The following OSBPL3 variants were observed in gnomAD, a reference collection of about 807,000 sequenced individuals.
OSBPL3 encodes oxysterol binding protein like 3, also known as oxysterol-binding protein-related protein 3.
A neutral mutation model predicts 120.1 loss-of-function variants in OSBPL3; 65 were observed. That is an observed-to-expected ratio of 0.54 (90% CI 0.44 to 0.67). The LOEUF (loss-of-function observed/expected upper bound fraction) is 0.67, where lower values mean the gene tolerates loss of function less well. Ranked by LOEUF, OSBPL3 falls within the 30% of genes least tolerant of loss-of-function variation. The pLI, the probability that OSBPL3 is intolerant of heterozygous loss-of-function variation, is 0.00. For synonymous variants in OSBPL3, 416 were observed against 402.6 expected (o/e 1.03, Z -0.40); for missense variants, 1,004 against 1,082.1 (o/e 0.93, Z 1.01).
rs1443569298 is a variant in OSBPL3, at chr7:24,796,615, G to C, written c.*3568C>G. On this transcript the variant is annotated 3_prime_UTR_variant, in exon 23 of 23. Coordinates refer to ENST00000313367, the MANE Select transcript of OSBPL3 (RefSeq NM_015550.4). This position sits in a 1 kb window ranked among gnomAD's most constrained non-coding sequence, Gnocchi z 5.2. The stretch of plus-strand genomic sequence containing the variant: ...AGCAAATTAATAGGAGCTTTTTGGG[G>C]AGGCAGAGGTATGGATGGAAGGGTG... 6.6e-6 allele frequency: 1 copy of C among 152,156 alleles called. No individual in the cohort carries two copies. The highest frequency in any genetic ancestry group is 6.5e-5 in the Admixed American group (1 of 15,276). 9.4% of individuals were successfully genotyped at this position (152,156 alleles called of 1,614,324 possible).
intron 1 of OSBPL3, among the ~76,000 whole-genome samples, chr7:24,941,407 G>C (rs1398155730): frequency 1.3e-5 from 2 of 151,810 alleles, no homozygotes; most frequent in Non-Finnish European, 2.9e-5. Context: ...TCCCTGCCAG[G>C]TTCAGGTAGC....
chr7:24,823,551 T>C (rs1176387747), intron 16 of OSBPL3, among the ~76,000 whole-genome samples: 1 of 152,124 alleles, frequency 6.6e-6, no homozygotes, highest in African/African-American at 2.4e-5. Flanking sequence ...GATCCAGGGC[T>C]CGTGTCCCTC....
intron 1 of OSBPL3, among the ~76,000 whole-genome samples, chr7:24,902,705 AAT>A (rs1807235580): frequency 9.1e-6 from 1 of 109,352 alleles, no homozygotes; most frequent in African/African-American, 4.1e-5. Context: ...GAAAATAAAT[AAT>A]AATAATAATA....
chr7:24,960,376 G>A (rs539629266), intron 1 of OSBPL3, among the ~76,000 whole-genome samples: 22 of 152,162 alleles, frequency 1.4e-4, no homozygotes, highest in African/African-American at 4.8e-4. Context: ...CACAACCCAC[G>A]TACAAATACT....
rs766653677 is a variant in OSBPL3, at chr7:24,800,453, CTT to C, written c.2568-176_2568-175del. ...TAGATGTCCAGAAATAATTTTGTTA[CTT>C]TTTTTTTTTTTTTTTTTTTGAGATG... On this transcript the variant is annotated intron_variant, in intron 22 of 22. Coordinates refer to ENST00000313367, the MANE Select transcript of OSBPL3 (RefSeq NM_015550.4). Among the ~76,000 whole-genome samples, 835 of 119,474 alleles carry C rather than the reference CTT, an allele frequency of 7.0e-3. 7 individuals are homozygous for C. Among genetic ancestry groups the C allele is most frequent in the African/African-American group, 0.024 (778 of 32,564 alleles). 78.4% of individuals were successfully genotyped at this position (119,474 alleles called of 152,430 possible).
chr7:24,913,814 A>C lies in OSBPL3; in HGVS notation c.-149-21193T>G, dbSNP rs1809173858. 6.6e-6 allele frequency among the ~76,000 whole-genome samples: 1 copy of C among 152,216 alleles called. No individual in the cohort carries two copies. The highest frequency in any genetic ancestry group is 2.1e-4 in the South Asian group (1 of 4,830). Reference sequence around the variant, plus strand: ...AACAGGGTCAGTCAGTGGGGATACAACTAGGACGAGGACAAGGACCAAGGA... The same window carrying C: ...AACAGGGTCAGTCAGTGGGGATACACCTAGGACGAGGACAAGGACCAAGGA... On this transcript the variant is annotated intron_variant, in intron 1 of 22. Transcript: ENST00000313367. The surrounding 1 kb of genome is among the most constrained non-coding windows in gnomAD (Gnocchi z 5.3).
chr7:24,922,569 G>A lies in OSBPL3; in HGVS notation c.-149-29948C>T, dbSNP rs78780964. 0.012 allele frequency among the ~76,000 whole-genome samples: 1,875 copies of A among 152,286 alleles called. 66 individuals are homozygous for A. The highest frequency in any genetic ancestry group is 0.063 in the East Asian group (326 of 5,188). ...ATCATTACAGTAAACCCCAAGGGAAGTGTGTAAAATGCCAGGCTGCTCTCC... is the reference window on the plus strand; with the variant it reads ...ATCATTACAGTAAACCCCAAGGGAAATGTGTAAAATGCCAGGCTGCTCTCC... On this transcript the variant is annotated intron_variant, in intron 1 of 22. Coordinates refer to ENST00000313367, the MANE Select transcript of OSBPL3 (RefSeq NM_015550.4). The surrounding 1 kb of genome is among the most constrained non-coding windows in gnomAD (Gnocchi z 4.3).
intron 1 of OSBPL3, among the ~76,000 whole-genome samples, chr7:24,919,671 A>C (rs888382444): frequency 8.6e-5 from 13 of 151,952 alleles, no homozygotes; most frequent in Non-Finnish European, 1.5e-5. Context: ...ATTGGACTTC[A>C]TCAAAATTAA....
At chr7:24,905,162 A>C (rs924390997) in intron 1 of OSBPL3, among the ~76,000 whole-genome samples, 1 of 143,634 alleles carries the variant, frequency 7.0e-6, no homozygotes, top group Non-Finnish European at 1.6e-5. Flanking sequence ...CTGGGTGTGG[A>C]AACTCTTCAC....
rs1813739354 is a variant in OSBPL3 at position 24,946,423 on chromosome 7, T to C, written c.-150+33463A>G. Among the ~76,000 whole-genome samples the C allele has an allele frequency of 6.6e-6, 1 of 152,114 alleles. No individual in the cohort carries two copies. Among genetic ancestry groups the C allele is most frequent in the Non-Finnish European group, 1.5e-5 (1 of 68,036 alleles). ...CACCTATCAATGAAAGAACTTCTGG[T>C]CAGTTTTTAAAACTTCCACAGTGCT... On this transcript the variant is annotated intron_variant, in intron 1 of 22. Transcript: ENST00000313367. The surrounding 1 kb of genome is among the most constrained non-coding windows in gnomAD (Gnocchi z 4.3).
Position 24,979,918 on chromosome 7 carries a change from T to C in OSBPL3, c.-182A>G, listed in dbSNP as rs1186635909. ...CTGTGCAGCCGGAGACGCTCCCTAGTTCCCCGGGGCCGGGCTCCGGGGTTA... is the reference window on the plus strand; with the variant it reads ...CTGTGCAGCCGGAGACGCTCCCTAGCTCCCCGGGGCCGGGCTCCGGGGTTA... On this transcript the variant is annotated 5_prime_UTR_variant, in exon 1 of 23. Transcript: ENST00000313367. 3.1e-6 allele frequency: 3 copies of C among 969,150 alleles called. No homozygotes were observed. In the African/African-American group the frequency reaches 5.5e-5, roughly 18 times the overall value. 60.0% of individuals were successfully genotyped at this position (969,150 alleles called of 1,614,324 possible).
rs1260215249 is a variant in OSBPL3 at position 24,851,674 on chromosome 7, A to T, written c.1158+830T>A. ...TAGGAATTCCAAAGTACAAGAAAAG[A>T]GTAAAAGCAAATCAGTATGCTATTT... On this transcript the variant is annotated intron_variant, in intron 11 of 22. Transcript: ENST00000313367. This position sits in a 1 kb window ranked among gnomAD's most constrained non-coding sequence, Gnocchi z 4.1. Among the ~76,000 whole-genome samples, 5 of 152,130 alleles carry T rather than the reference A, an allele frequency of 3.3e-5. No individual in the cohort carries two copies. Among genetic ancestry groups the T allele is most frequent in the Non-Finnish European group, 7.4e-5 (5 of 68,010 alleles).
intron 9 of OSBPL3, 119 bp from the exon 10 acceptor site, chr7:24,861,888 T>C: frequency 2.0e-6 from 1 of 507,140 alleles, no homozygotes; most frequent in Non-Finnish European, 3.1e-6. Context: ...GTAGGTCTTT[T>C]TTTTTTTTTT....
intron 16 of OSBPL3, among the ~76,000 whole-genome samples, chr7:24,828,795 A>G (rs1157217236): frequency 6.6e-6 from 1 of 152,008 alleles, no homozygotes; most frequent in Non-Finnish European, 1.5e-5. Context: ...AGGCTCAGAA[A>G]GTTGAAGGAA....
At chr7:24,853,104 C>T (rs983340129) in intron 10 of OSBPL3, among the ~76,000 whole-genome samples, 1 of 152,220 alleles carries the variant, frequency 6.6e-6, no homozygotes, top group Non-Finnish European at 1.5e-5. Context: ...TTTTTTGACA[C>T]TTGCACTTTG....
At chr7:24,845,967 A>C (rs1235314524) in intron 12 of OSBPL3, among the ~76,000 whole-genome samples, 2 of 152,218 alleles carry the variant, frequency 1.3e-5, no homozygotes, top group Non-Finnish European at 2.9e-5. Context: ...GCTGGGCAGC[A>C]TAGTAAGACT....
intron 12 of OSBPL3, among the ~76,000 whole-genome samples, chr7:24,848,012 GC>G (rs1383888531): frequency 6.6e-6 from 1 of 152,208 alleles, no homozygotes; most frequent in Non-Finnish European, 1.5e-5. Context: ...AGACCCACAA[GC>G]TTCTGCCAGA....
At position 24,966,627 on chromosome 7, in the gene OSBPL3, T is replaced by C. The variant is rs1473995706; in HGVS notation, c.-150+13259A>G. On this transcript the variant is annotated intron_variant, in intron 1 of 22. Coordinates refer to ENST00000313367, the MANE Select transcript of OSBPL3 (RefSeq NM_015550.4). This position sits in a 1 kb window ranked among gnomAD's most constrained non-coding sequence, Gnocchi z 4.8. Reference sequence around the variant, plus strand: ...GTCTTTCCTTTTTGACACCCTATTATTGGTATCATTCCTTAATGACACACA... The same window carrying C: ...GTCTTTCCTTTTTGACACCCTATTACTGGTATCATTCCTTAATGACACACA... 1.3e-5 allele frequency among the ~76,000 whole-genome samples: 2 copies of C among 152,184 alleles called. No homozygotes were observed. Among genetic ancestry groups the C allele is most frequent in the Non-Finnish European group, 1.5e-5 (1 of 68,030 alleles).
rs200726135 is a variant in OSBPL3, at chr7:24,872,454, T to A, written c.97-385A>T. On this transcript the variant is annotated intron_variant, in intron 2 of 22. Coordinates refer to ENST00000313367, the MANE Select transcript of OSBPL3 (RefSeq NM_015550.4). The surrounding 1 kb of genome is among the most constrained non-coding windows in gnomAD (Gnocchi z 4.1). ...TGAATTTTAACCGAAAGAGAGTGTG[T>A]GTGTGTGTGTGTGTGTGTGTGTGTG... Among the ~76,000 whole-genome samples the A allele has an allele frequency of 0.062, 8,309 of 134,312 alleles. 336 individuals carry two copies. The highest frequency in any genetic ancestry group is 0.22 in the East Asian group (1,086 of 5,010). 88.1% of individuals were successfully genotyped at this position (134,312 alleles called of 152,430 possible).
Sources: gnomAD v4.1 joint callset for allele counts (sites outside exome capture counted in the v4.1 genomes callset) on GRCh38, gnomAD v4.1.1 for gene constraint, Gnocchi (gnomAD v3.1) non-coding constraint, MANE v1.5 for transcripts, NCBI Gene and HGNC (gene_info 2026-07-23, HGNC 2026-07-21) for gene names.